SLX9: variants seen among roughly 807,000 people sequenced by gnomAD.
The protein encoded by SLX9 is SLX9 ribosome biogenesis factor.
Under a neutral mutation model 20.8 loss-of-function variants are expected in SLX9, and 19 were observed. The observed-to-expected ratio is 0.91, with a 90% CI of 0.64 to 1.34. The LOEUF is 1.34. SLX9 is among the 40% of genes most tolerant of loss of function. The pLI, the probability that SLX9 is intolerant of heterozygous loss-of-function variation, is 0.00. For synonymous variants in SLX9, 113 were observed against 137.1 expected (o/e 0.82, Z 1.23); for missense variants, 299 against 322.2 (o/e 0.93, Z 0.55).
intron 2 of SLX9, among the ~76,000 whole-genome samples, chr21:44,955,594 C>T (rs1205564843): frequency 2.0e-5 from 3 of 152,188 alleles, no homozygotes; most frequent in Admixed American, 6.5e-5. Flanking sequence ...GGCCTCACTG[C>T]AGCTTCGACC....
chr21:44,945,177 T>C lies in SLX9; in HGVS notation c.283+1340T>C, dbSNP rs533920372. On this transcript the variant is annotated intron_variant, in intron 2 of 5. Transcript: ENST00000291634. ...AGCTCATAGATGCTAAGGGCCTCAC[T>C]GTGCCTCTAGAAAGATCCAGGTACA... Among the ~76,000 whole-genome samples, 14 of 152,348 alleles carry C rather than the reference T, an allele frequency of 9.2e-5. No homozygotes were observed. In the South Asian group the frequency reaches 2.5e-3, roughly 27 times the overall value.
intron 2 of SLX9, among the ~76,000 whole-genome samples, chr21:44,955,162 C>T (rs74648764): frequency 1.3e-5 from 2 of 150,238 alleles, no homozygotes; most frequent in Admixed American, 6.7e-5. Flanking sequence ...ATTGCAAGAT[C>T]GTGCCACTGC....
In SLX9 at chr21:44,960,046, C is replaced by G. The variant is rs777868947; in HGVS notation, c.284-54C>G. 34 of 1,513,588 alleles carry G rather than the reference C, an allele frequency of 2.2e-5. 1 individual carries two copies. The highest frequency in any genetic ancestry group is 3.0e-5 in the Non-Finnish European group (33 of 1,088,904). 93.8% of individuals were successfully genotyped at this position (1,513,588 alleles called of 1,614,324 possible). A position where few individuals can be genotyped will look rare whatever the true frequency, so the allele number is the denominator to read the frequency against. On this transcript the variant is annotated intron_variant, in intron 2 of 5. Coordinates refer to ENST00000291634, the MANE Select transcript of SLX9 (RefSeq NM_058190.4). Reference sequence around the variant, plus strand: ...GACCCGCCCCAGCCCATTCTCAGGTCATGGGAGTGCCACCTGGACACGTTT... The same window carrying G: ...GACCCGCCCCAGCCCATTCTCAGGTGATGGGAGTGCCACCTGGACACGTTT...
At chr21:44,972,581 C>G (rs1044650855) in intron 4 of SLX9, among the ~76,000 whole-genome samples, 1 of 152,206 alleles carries the variant, frequency 6.6e-6, no homozygotes, top group Non-Finnish European at 1.5e-5. Context: ...GCAGGCAGGG[C>G]AGGATCTACG....
chr21:44,948,751 C>T (rs1447720667), intron 2 of SLX9, among the ~76,000 whole-genome samples: 4 of 152,346 alleles, frequency 2.6e-5, no homozygotes, highest in East Asian at 1.9e-4. Context: ...TACCTGTGGC[C>T]GGTGGCACCT....
At chr21:44,974,927 CTG>C (rs1304642725) in intron 5 of SLX9, among the ~76,000 whole-genome samples, 1 of 152,202 alleles carries the variant, frequency 6.6e-6, no homozygotes, top group Admixed American at 6.5e-5. Flanking sequence ...CTCTTGCAGA[CTG>C]TCTGTCGCCC....
intron 5 of SLX9, among the ~76,000 whole-genome samples, chr21:44,974,882 A>G (rs1294827599): frequency 3.3e-5 from 5 of 152,048 alleles, no homozygotes; most frequent in African/African-American, 1.2e-4. Context: ...TGGTCCGGGG[A>G]GCCCCTCCCT....
intron 3 of SLX9, 36 bp from the exon 4 acceptor site, chr21:44,966,998 T>C: frequency 1.3e-6 from 2 of 1,582,712 alleles, no homozygotes; most frequent in Non-Finnish European, 1.7e-6. Context: ...CTCCTCTGCC[T>C]CTTGTTTGCC....
rs2084803712 is a variant in SLX9, at chr21:44,953,725, G to A, written c.284-6375G>A. ...AGTGCCCTCTGGCCCCGCAGCCTGG[G>A]TTCCTCAGTGCAGTAGCGTGACCTT... On this transcript the variant is annotated intron_variant, in intron 2 of 5. Transcript: ENST00000291634. Among the ~76,000 whole-genome samples the A allele has an allele frequency of 2.6e-5, 4 of 152,210 alleles. No homozygotes were observed. In the South Asian group the frequency reaches 8.3e-4, roughly 31 times the overall value.
intron 2 of SLX9, 88 bp from the exon 3 acceptor site, chr21:44,960,012 T>G: frequency 1.7e-6 from 2 of 1,163,582 alleles, no homozygotes; most frequent in Non-Finnish European, 2.6e-6. Flanking sequence ...GTGGCAGCTC[T>G]GCAGTCAGGA....
intron 5 of SLX9, among the ~76,000 whole-genome samples, chr21:44,976,390 C>T (rs995188635): frequency 5.9e-5 from 9 of 152,218 alleles, no homozygotes; most frequent in Admixed American, 1.3e-4. Context: ...GTTGCCGCCG[C>T]GTTTCTCAGC....
intron 2 of SLX9, among the ~76,000 whole-genome samples, chr21:44,956,127 T>G (rs1251589799): frequency 6.6e-6 from 1 of 152,252 alleles, no homozygotes; most frequent in Non-Finnish European, 1.5e-5. Context: ...TTTTCGGCTG[T>G]TGATTGGTTT....
chr21:44,965,657 C>T (rs556921169), intron 3 of SLX9, among the ~76,000 whole-genome samples: 67 of 152,328 alleles, frequency 4.4e-4, no homozygotes, highest in Admixed American at 1.2e-3. Flanking sequence ...AGGCATTTCC[C>T]GGGAGAACCA....
At chr21:44,965,451 TA>T (rs1482903622) in intron 3 of SLX9, among the ~76,000 whole-genome samples, 1 of 152,214 alleles carries the variant, frequency 6.6e-6, no homozygotes, top group Non-Finnish European at 1.5e-5. Flanking sequence ...ATTGAGTGTC[TA>T]ATGTTTTGCC....
intron 4 of SLX9, chr21:44,969,215 A>T (rs751568720): frequency 2.1e-6 from 1 of 469,914 alleles, no homozygotes; most frequent in East Asian, 6.9e-5. Context: ...AGGCAGCTCC[A>T]GGCTGGCATC....
rs1236403106 is a variant in SLX9, at chr21:44,957,014, G to A, written c.284-3086G>A. The stretch of plus-strand genomic sequence containing the variant: ...ACCTGGAATTGCAGCTCCAGAGCAC[G>A]GGCCCTGGCTCCTGCGCGGCAGCGT... On this transcript the variant is annotated intron_variant, in intron 2 of 5. Coordinates refer to ENST00000291634, the MANE Select transcript of SLX9 (RefSeq NM_058190.4). 3.3e-5 allele frequency among the ~76,000 whole-genome samples: 5 copies of A among 152,358 alleles called. No individual in the cohort carries two copies. The East Asian group carries it at 5.8e-4, about 18-fold the overall frequency.
At chr21:44,949,500 C>T (rs1157044750) in intron 2 of SLX9, among the ~76,000 whole-genome samples, 1 of 152,130 alleles carries the variant, frequency 6.6e-6, no homozygotes, top group Non-Finnish European at 1.5e-5. Context: ...TCCGCCTACC[C>T]CCCAGAACCC....
At chr21:44,960,010 T>C in intron 2 of SLX9, 90 bp from the exon 3 acceptor site, 4 of 1,128,562 alleles carry the variant, frequency 3.5e-6, no homozygotes, top group Non-Finnish European at 4.0e-6. Flanking sequence ...CTGTGGCAGC[T>C]CTGCAGTCAG....
intron 2 of SLX9, among the ~76,000 whole-genome samples, chr21:44,950,528 C>T (rs544928667): frequency 5.3e-5 from 8 of 152,162 alleles, no homozygotes; most frequent in Non-Finnish European, 8.8e-5. Context: ...CCGTGCCAGC[C>T]GGTATGTTGG....
Sources: gnomAD v4.1 joint callset for allele counts (sites outside exome capture counted in the v4.1 genomes callset) on GRCh38, gnomAD v4.1.1 for gene constraint, MANE v1.5 for transcripts, NCBI Gene and HGNC (gene_info 2026-07-23, HGNC 2026-07-21) for gene names.